The following SDK1 variants were observed in gnomAD, a reference collection of about 807,000 sequenced individuals.
The protein encoded by SDK1 is sidekick cell adhesion molecule 1.
SDK1 carries 157 observed loss-of-function variants against 245.5 expected under a neutral mutation model. That is an observed-to-expected ratio of 0.64 (90% CI 0.56 to 0.73). SDK1 has a LOEUF of 0.73. SDK1 is among the 30% of genes least tolerant of loss of function. The pLI is 0.00. For synonymous variants in SDK1, 1,647 were observed against 1,278.5 expected (o/e 1.29, Z -6.15); for missense variants, 3,583 against 3,002.3 (o/e 1.19, Z -4.52).
At chr7:3,440,263 A>T (rs1180781517) in intron 1 of SDK1, among the ~76,000 whole-genome samples, 1 of 152,174 alleles carries the variant, frequency 6.6e-6, no homozygotes, top group East Asian at 1.9e-4. Flanking sequence ...CCAGGTTTGC[A>T]TTCAGGTATA....
chr7:3,962,863 C>G lies in SDK1; in HGVS notation c.1429+12C>G, dbSNP rs1781808867. Reference sequence around the variant, plus strand: ...CCTGGATGTAACCAGTGAGTACACCCAGGCCCACAGCTACCTGACCTGGAC... The same window carrying G: ...CCTGGATGTAACCAGTGAGTACACCGAGGCCCACAGCTACCTGACCTGGAC... On this transcript the variant is annotated intron_variant, in intron 9 of 44. Coordinates refer to ENST00000404826, the MANE Select transcript of SDK1 (RefSeq NM_152744.4). The G allele has an allele frequency of 1.2e-6, 2 of 1,603,274 alleles. No homozygotes were observed. The highest frequency in any genetic ancestry group is 1.7e-6 in the Non-Finnish European group (2 of 1,174,554).
intron 1 of SDK1, among the ~76,000 whole-genome samples, chr7:3,606,889 T>C (rs922538025): frequency 3.3e-5 from 5 of 152,082 alleles, no homozygotes; most frequent in African/African-American, 9.7e-5. Flanking sequence ...ACACAACTTA[T>C]GAAAAAAGTT....
At chr7:3,809,035 C>T (rs931511065) in intron 4 of SDK1, among the ~76,000 whole-genome samples, 1 of 152,010 alleles carries the variant, frequency 6.6e-6, no homozygotes, top group Non-Finnish European at 1.5e-5. Flanking sequence ...AGAGAATACC[C>T]AAGACGGGGT....
chr7:3,793,876 A>C (rs995409773), intron 4 of SDK1, among the ~76,000 whole-genome samples: 10 of 152,242 alleles, frequency 6.6e-5, no homozygotes, highest in African/African-American at 2.2e-4. Context: ...GGATCTACCT[A>C]AGCCTGATGA....
intron 4 of SDK1, among the ~76,000 whole-genome samples, chr7:3,768,158 A>G (rs1175827637): frequency 6.6e-6 from 1 of 152,192 alleles, no homozygotes; most frequent in African/African-American, 2.4e-5. Flanking sequence ...TAGTTTAGCA[A>G]CCAGCTTTCT....
At chr7:3,958,482 A>T (rs1781433227) in intron 7 of SDK1, among the ~76,000 whole-genome samples, 1 of 152,170 alleles carries the variant, frequency 6.6e-6, no homozygotes, top group Non-Finnish European at 1.5e-5. Context: ...TATTTTGGAG[A>T]AGAACTGCTA....
intron 19 of SDK1, among the ~76,000 whole-genome samples, chr7:4,057,607 C>G (rs1779282035): frequency 1.3e-5 from 2 of 152,164 alleles, no homozygotes; most frequent in South Asian, 2.1e-4. Context: ...GAGCAACCCA[C>G]CTAGAATGCC....
chr7:4,079,389 C>G (rs1162132369), intron 21 of SDK1, 74 bp from the exon 22 acceptor site: 36 of 1,543,104 alleles, frequency 2.3e-5, no homozygotes, highest in Non-Finnish European at 3.1e-5. Context: ...ACTTTTGAAG[C>G]TGACACGTTT....
intron 19 of SDK1, among the ~76,000 whole-genome samples, chr7:4,057,108 G>A (rs1012023537): frequency 5.3e-5 from 8 of 152,324 alleles, no homozygotes; most frequent in African/African-American, 1.7e-4. Context: ...TGGGTCTGAA[G>A]CACACCTCCC....
chr7:3,395,543 C>T (rs189181456), intron 1 of SDK1, among the ~76,000 whole-genome samples: 3 of 151,896 alleles, frequency 2.0e-5, no homozygotes, highest in East Asian at 1.9e-4. Context: ...TCTTATACTT[C>T]TCGGAAGAAT....
At chr7:4,247,705 C>T (rs1447928951) in intron 44 of SDK1, among the ~76,000 whole-genome samples, 1 of 152,222 alleles carries the variant, frequency 6.6e-6, no homozygotes, top group Non-Finnish European at 1.5e-5. Context: ...TGTGTGTTTC[C>T]AGCACTCACT....
intron 4 of SDK1, among the ~76,000 whole-genome samples, chr7:3,650,970 A>G (rs1330248507): frequency 6.6e-6 from 1 of 151,862 alleles, no homozygotes; most frequent in African/African-American, 2.4e-5. Flanking sequence ...GTTGAAAGCA[A>G]TCTGGATTGT....
At chr7:3,793,268 T>G (rs1778863156) in intron 4 of SDK1, among the ~76,000 whole-genome samples, 1 of 152,198 alleles carries the variant, frequency 6.6e-6, no homozygotes. Flanking sequence ...TGTCAATGAT[T>G]CATTTACTCA....
In SDK1 at chr7:4,184,236, C is replaced by G. The variant is rs116763765; in HGVS notation, c.5098+5650C>G. Among the ~76,000 whole-genome samples, 102 of 152,326 alleles carry G rather than the reference C, an allele frequency of 6.7e-4. 3 individuals carry two copies. The East Asian group carries it at 0.018, about 26-fold the overall frequency. On this transcript the variant is annotated intron_variant, in intron 35 of 44. Coordinates refer to ENST00000404826, the MANE Select transcript of SDK1 (RefSeq NM_152744.4). The stretch of plus-strand genomic sequence containing the variant: ...CACAAACTCGTGGGCCCGAAATGCT[C>G]AAAGGCTTTTATGAAAACTAAGACT...
At chr7:3,377,087 C>T (rs896040353) in intron 1 of SDK1, among the ~76,000 whole-genome samples, 2 of 152,186 alleles carry the variant, frequency 1.3e-5, no homozygotes, top group Non-Finnish European at 2.9e-5. Flanking sequence ...TTTTGCAAAA[C>T]TAATTTCTGA....
At chr7:3,804,152 A>G (rs1439937181) in intron 4 of SDK1, among the ~76,000 whole-genome samples, 1 of 152,196 alleles carries the variant, frequency 6.6e-6, no homozygotes, top group Non-Finnish European at 1.5e-5. Flanking sequence ...CTCATGAATT[A>G]TGCTTTTGCT....
At chr7:3,682,695 A>G (rs1020610862) in intron 4 of SDK1, among the ~76,000 whole-genome samples, 11 of 148,270 alleles carry the variant, frequency 7.4e-5, no homozygotes, top group African/African-American at 2.7e-4. Context: ...AGAAGGGGGG[A>G]TCTCAAATCA....
At chr7:3,600,561 T>TG (rs1432573890) in intron 1 of SDK1, among the ~76,000 whole-genome samples, 1 of 148,238 alleles carries the variant, frequency 6.7e-6, no homozygotes, top group African/African-American at 2.5e-5. Context: ...GTTTTTTTTT[T>TG]TTTTTTTTTT....
intron 1 of SDK1, among the ~76,000 whole-genome samples, chr7:3,310,315 T>C (rs950807498): frequency 6.6e-6 from 1 of 152,190 alleles, no homozygotes; most frequent in African/African-American, 2.4e-5. Context: ...TAAACCATTA[T>C]TTTTGTTGCA....
Sources: gnomAD v4.1 joint callset for allele counts (sites outside exome capture counted in the v4.1 genomes callset) on GRCh38, gnomAD v4.1.1 for gene constraint, MANE v1.5 for transcripts, NCBI Gene and HGNC (gene_info 2026-07-23, HGNC 2026-07-21) for gene names.